The following LPIN1 variants were observed in gnomAD, a reference collection of about 807,000 sequenced individuals.
The protein encoded by LPIN1 is lipin 1, also known as phosphatidate phosphatase LPIN1.
Under a neutral mutation model 107.5 loss-of-function variants are expected in LPIN1, and 71 were observed. The ratio of observed to expected loss-of-function variants is 0.66; its 90% confidence interval spans 0.55 to 0.80. The LOEUF (loss-of-function observed/expected upper bound fraction) is 0.80. LPIN1 is among the 30% of genes least tolerant of loss of function. LPIN1 has a pLI of 0.00. For synonymous variants in LPIN1, 445 were observed against 452.6 expected, an observed-to-expected ratio of 0.98 and a Z score of 0.21; for missense variants, 1,043 against 1,160.6, an observed-to-expected ratio of 0.90 and a Z score of 1.47.
intron 1 of LPIN1, among the ~76,000 whole-genome samples, chr2:11,692,721 A>T (rs532998404): frequency 6.6e-6 from 1 of 152,306 alleles, no homozygotes; most frequent in African/African-American, 2.4e-5. Flanking sequence ...CACAGGAGAA[A>T]ACCATAGGAC....
chr2:11,693,708 G>A (rs1003784050), intron 1 of LPIN1, among the ~76,000 whole-genome samples: 6 of 145,462 alleles, frequency 4.1e-5, no homozygotes, highest in East Asian at 4.1e-4. Context: ...CTCAAAGTTC[G>A]TAGGGGCACT....
intron 17 of LPIN1, among the ~76,000 whole-genome samples, chr2:11,808,639 C>T (rs62114967): frequency 0.12 from 18,529 of 151,994 alleles, 1,512 homozygotes; most frequent in Middle Eastern, 0.2. Context: ...TTTGGGAGTC[C>T]GAGGCAGGTG....
intron 20 of LPIN1, among the ~76,000 whole-genome samples, chr2:11,821,836 G>A (rs1681576292): frequency 6.6e-6 from 1 of 152,206 alleles, no homozygotes; most frequent in South Asian, 2.1e-4. Context: ...CAAGGTTTGT[G>A]CAGAGAGAGG....
intron 12 of LPIN1, 66 bp downstream of exon 12, chr2:11,788,522 T>C: frequency 8.0e-7 from 1 of 1,255,040 alleles, no homozygotes; most frequent in South Asian, 1.2e-5. Flanking sequence ...CTGGGGTGGT[T>C]GGAATTTCAC....
intron 1 of LPIN1, among the ~76,000 whole-genome samples, chr2:11,690,584 G>A (rs1284883267): frequency 1.3e-5 from 2 of 152,082 alleles, no homozygotes; most frequent in African/African-American, 4.8e-5. Context: ...GGCACGATTA[G>A]ACACAAATTT....
chr2:11,734,965 G>A (rs1023719429), intron 1 of LPIN1, among the ~76,000 whole-genome samples: 2 of 152,154 alleles, frequency 1.3e-5, no homozygotes, highest in Admixed American at 1.3e-4. Flanking sequence ...GAGACAGAAG[G>A]AACAAGGGAT....
chr2:11,776,432 A>AT (rs201108224), intron 6 of LPIN1, among the ~76,000 whole-genome samples: 288 of 144,182 alleles, frequency 2.0e-3, no homozygotes, highest in Middle Eastern at 3.6e-3. Flanking sequence ...AGATGATCAG[A>AT]TTTTTTTTTT....
chr2:11,684,817 C>T (rs925386997), intron 1 of LPIN1, among the ~76,000 whole-genome samples: 4 of 151,606 alleles, frequency 2.6e-5, no homozygotes, highest in African/African-American at 9.7e-5. Context: ...ACGCATGCTC[C>T]CTGAAATGAA....
chr2:11,742,256 C>T (rs1028143987), upstream of LPIN1: 4 of 152,162 alleles, frequency 2.6e-5, no homozygotes, highest in Admixed American at 1.3e-4. Flanking sequence ...ATTCTAATAC[C>T]GTATTTTTAC....
At chr2:11,787,836 G>T (rs1354123826) in intron 11 of LPIN1, among the ~76,000 whole-genome samples, 1 of 151,950 alleles carries the variant, frequency 6.6e-6, no homozygotes, top group African/African-American at 2.4e-5. Context: ...AGCTACTCGG[G>T]AGGATGAGGC....
At chr2:11,706,667 G>T (rs890676968) in intron 1 of LPIN1, among the ~76,000 whole-genome samples, 23 of 152,132 alleles carry the variant, frequency 1.5e-4, no homozygotes, top group African/African-American at 5.6e-4. Context: ...TTATAACAAG[G>T]GCTTAGATCC....
chr2:11,734,688 C>T (rs561960739), intron 1 of LPIN1, among the ~76,000 whole-genome samples: 86 of 152,178 alleles, frequency 5.7e-4, no homozygotes, highest in African/African-American at 2.0e-3. Flanking sequence ...TTCAAAGAGG[C>T]GGCCTCCAGA....
At chr2:11,692,804 C>T (rs1005449078) in intron 1 of LPIN1, among the ~76,000 whole-genome samples, 2 of 152,200 alleles carry the variant, frequency 1.3e-5, no homozygotes, top group African/African-American at 4.8e-5. Context: ...ATGCTTACCT[C>T]AAAGTTTTCA....
At chr2:11,746,585 G>T, upstream of LPIN1, 1 of 971,438 alleles carries the variant, frequency 1.0e-6, no homozygotes, top group Non-Finnish European at 1.2e-6. Flanking sequence ...CCCCGCCCCT[G>T]CCCCGCCCCC....
In LPIN1 at chr2:11,786,015, C is replaced by T. The variant is rs964973762; in HGVS notation, c.1549+939C>T. ...GTCATGGGGGCTCTCTGGACACTGG[C>T]GTGAGGAGTCCCCTGGGCGTTCCCT... On this transcript the variant is annotated intron_variant, in intron 10 of 20. Coordinates refer to ENST00000674199, the MANE Select transcript of LPIN1 (RefSeq NM_001349206.2). The surrounding 1 kb of genome is among the most constrained non-coding windows in gnomAD (Gnocchi z 4.1). Among the ~76,000 whole-genome samples, 7 of 152,136 alleles carry T rather than the reference C, an allele frequency of 4.6e-5. No homozygotes were observed. The South Asian group carries it at 8.3e-4, about 18-fold the overall frequency.
intron 1 of LPIN1, among the ~76,000 whole-genome samples, chr2:11,688,296 T>TC (rs1366029769): frequency 2.0e-5 from 3 of 152,050 alleles, no homozygotes; most frequent in African/African-American, 7.2e-5. Context: ...ACCCTCCCTC[T>TC]CCCCACAGTC....
At chr2:11,753,193 C>T (rs949671482) in intron 1 of LPIN1, among the ~76,000 whole-genome samples, 1 of 133,514 alleles carries the variant, frequency 7.5e-6, no homozygotes, top group Admixed American at 7.4e-5. Flanking sequence ...TTCCCACCTG[C>T]CTAACACAGG....
rs145282067 is a variant in LPIN1, at chr2:11,772,072, G to A, written c.596+393G>A. On this transcript the variant is annotated intron_variant, in intron 4 of 20. Transcript: ENST00000674199. ...GGCATTAGATTCTCACAAGGAGTGC[G>A]CAGCCCAGATCCCTCACATGTGCAG... Among the ~76,000 whole-genome samples, 800 of 152,252 alleles carry A rather than the reference G, an allele frequency of 5.3e-3. 11 individuals carry two copies. The highest frequency in any genetic ancestry group is 0.019 in the African/African-American group (769 of 41,528).
At chr2:11,778,536 TA>T (rs1673038630) in intron 6 of LPIN1, among the ~76,000 whole-genome samples, 1 of 152,166 alleles carries the variant, frequency 6.6e-6, no homozygotes, top group Non-Finnish European at 1.5e-5. Flanking sequence ...GAACTCTAGG[TA>T]AATGAGACCA....
Sources: allele counts gnomAD v4.1 joint callset (sites outside exome capture counted in the v4.1 genomes callset), GRCh38; gene constraint gnomAD v4.1.1; non-coding constraint Gnocchi (gnomAD v3.1); transcripts MANE v1.5; gene names NCBI Gene and HGNC (gene_info 2026-07-23, HGNC 2026-07-21).